CRADD: variants seen among roughly 807,000 people sequenced by gnomAD.
CRADD encodes death domain-containing protein CRADD.
A neutral mutation model predicts 15.5 loss-of-function variants in CRADD; 9 were observed. The observed-to-expected ratio is 0.58, with a 90% confidence interval of 0.35 to 1.01. The LOEUF (loss-of-function observed/expected upper bound fraction) is 1.01, where lower values mean the gene tolerates loss of function less well. CRADD is among the 50% of genes least tolerant of loss of function. The probability of loss-of-function intolerance (pLI) is 0.02; values close to 1 mark genes in which losing one functional copy is unlikely to be tolerated. For synonymous variants in CRADD, 118 were observed against 107.6 expected (o/e 1.10, Z -0.60); for missense variants, 227 against 250.3 (o/e 0.91, Z 0.63).
At position 93,829,672 on chromosome 12, in the gene CRADD, C is replaced by T. The variant is rs1297491771; in HGVS notation, c.299-20298C>T. On this transcript the variant is annotated intron_variant, in intron 2 of 2. Coordinates refer to ENST00000332896, the MANE Select transcript of CRADD (RefSeq NM_003805.5). ...TTTAGGGTCAGCTCTTTCATCAGCTCCCTAAAGTTTTGGTTTTTTGTTGTT... is the reference window on the plus strand; with the variant it reads ...TTTAGGGTCAGCTCTTTCATCAGCTTCCTAAAGTTTTGGTTTTTTGTTGTT... Among the ~76,000 whole-genome samples the T allele has an allele frequency of 3.3e-5, 5 of 151,152 alleles. No homozygotes were observed. In the South Asian group the frequency reaches 8.4e-4, roughly 25 times the overall value.
chr12:93,699,423 A>G (rs1294034455), intron 2 of CRADD, among the ~76,000 whole-genome samples: 1 of 152,178 alleles, frequency 6.6e-6, no homozygotes, highest in African/African-American at 2.4e-5. Context: ...CTGTGTATTT[A>G]CTCATGGTTT....
intron 2 of CRADD, among the ~76,000 whole-genome samples, chr12:93,814,940 G>T (rs1448263731): frequency 2.0e-5 from 3 of 152,186 alleles, no homozygotes; most frequent in Non-Finnish European, 2.9e-5. Flanking sequence ...AAATTATGCA[G>T]TGTTTGAAAG....
At chr12:93,873,771 G>A (rs989319812) in intron 2 of CRADD, among the ~76,000 whole-genome samples, 4 of 151,960 alleles carry the variant, frequency 2.6e-5, no homozygotes, top group East Asian at 1.9e-4. Context: ...CCATTTGATC[G>A]TGATGAATGA....
At chr12:93,891,322 A>C (rs552990062) in intron 2 of CRADD, among the ~76,000 whole-genome samples, 1 of 152,052 alleles carries the variant, frequency 6.6e-6, no homozygotes, top group East Asian at 2.0e-4. Flanking sequence ...CCCCATCTCT[A>C]CTAAAAACAC....
rs185439360 is a variant in CRADD at position 93,821,952 on chromosome 12, T to C, written c.299-28018T>C. ...TGCCAACATGGTGAAACCCCATCTC[T>C]ACTAAAAATACAAAAATTAGCCAGG... On this transcript the variant is annotated intron_variant, in intron 2 of 2. Transcript: ENST00000332896. Among the ~76,000 whole-genome samples the C allele has an allele frequency of 2.2e-3, 341 of 151,958 alleles. 1 individual carries two copies. Among genetic ancestry groups the C allele is most frequent in the African/African-American group, 7.9e-3 (326 of 41,426 alleles).
chr12:93,846,814 A>T (rs1200674346), intron 2 of CRADD, among the ~76,000 whole-genome samples: 1 of 152,210 alleles, frequency 6.6e-6, no homozygotes, highest in Non-Finnish European at 1.5e-5. Flanking sequence ...TTAGAAGGTT[A>T]TGCCAGCCAG....
intron 2 of CRADD, among the ~76,000 whole-genome samples, chr12:93,694,350 C>T (rs774473384): frequency 2.6e-5 from 4 of 152,050 alleles, no homozygotes; most frequent in Non-Finnish European, 5.9e-5. Context: ...GGGACAGACT[C>T]GTAGCTAACT....
chr12:93,820,268 T>C (rs1244165361), intron 2 of CRADD, among the ~76,000 whole-genome samples: 1 of 152,216 alleles, frequency 6.6e-6, no homozygotes, highest in Non-Finnish European at 1.5e-5. Flanking sequence ...GGTTTACCCC[T>C]GCCCCATGGC....
intron 2 of CRADD, among the ~76,000 whole-genome samples, chr12:93,723,927 C>T (rs575913337): frequency 8.9e-4 from 136 of 152,258 alleles, no homozygotes; most frequent in African/African-American, 3.1e-3. Context: ...CCTCCAGGCC[C>T]GTTAGGCTGT....
intron 2 of CRADD, among the ~76,000 whole-genome samples, chr12:93,724,412 G>A (rs1348602043): frequency 6.6e-6 from 1 of 151,540 alleles, no homozygotes; most frequent in Non-Finnish European, 1.5e-5. Flanking sequence ...GCTCCAGTAT[G>A]TTGTGATTCT....
At chr12:93,743,919 A>G (rs1034575827) in intron 2 of CRADD, among the ~76,000 whole-genome samples, 1 of 151,912 alleles carries the variant, frequency 6.6e-6, no homozygotes, top group Admixed American at 6.6e-5. Context: ...TTTGTTTTCT[A>G]TTTTATTTTT....
In CRADD at chr12:93,850,330, C is replaced by T; in HGVS notation, c.*59C>T. ...CTGAGTCATGTGGGCTGAATCCTGA[C>T]TTTCACTCAGAGCAGGTGGTTTTTT... On this transcript the variant is annotated 3_prime_UTR_variant, in exon 3 of 3. Coordinates refer to ENST00000332896, the MANE Select transcript of CRADD (RefSeq NM_003805.5). The surrounding 1 kb of genome is among the most constrained non-coding windows in gnomAD (Gnocchi z 4.0). The T allele has an allele frequency of 5.9e-6, 9 of 1,520,852 alleles. No homozygotes were observed. The highest frequency in any genetic ancestry group is 1.3e-5 in the South Asian group (1 of 76,540). The allele number at this position is 1,520,852 out of a possible 1,614,324, so 94.2% of individuals were successfully genotyped here. A position where few individuals can be genotyped will look rare whatever the true frequency, so the allele number is the denominator to read the frequency against.
intron 2 of CRADD, among the ~76,000 whole-genome samples, chr12:93,748,295 C>CT (rs1297880304): frequency 1.3e-5 from 2 of 152,108 alleles, no homozygotes; most frequent in African/African-American, 2.4e-5. Flanking sequence ...CAGGCTTCTT[C>CT]TTTTTTTGGT....
intron 2 of CRADD, among the ~76,000 whole-genome samples, chr12:93,696,745 G>GAA (rs58146240): frequency 4.9e-5 from 7 of 142,704 alleles, no homozygotes; most frequent in South Asian, 2.2e-4. Flanking sequence ...GAAAATATTT[G>GAA]AAAAAAAAAA....
chr12:93,839,938 A>G (rs183784660), intron 2 of CRADD, among the ~76,000 whole-genome samples: 23 of 152,352 alleles, frequency 1.5e-4, no homozygotes, highest in Middle Eastern at 6.8e-3. Context: ...GATTAATTTT[A>G]AAAACCACTT....
chr12:93,728,512 T>A (rs1956408279), intron 2 of CRADD, among the ~76,000 whole-genome samples: 1 of 152,260 alleles, frequency 6.6e-6, no homozygotes, highest in Admixed American at 6.5e-5. Flanking sequence ...GTAATGTTAT[T>A]TTTATTCTAT....
chr12:93,885,287 A>G (rs972466007), intron 2 of CRADD, among the ~76,000 whole-genome samples: 1 of 152,192 alleles, frequency 6.6e-6, no homozygotes, highest in African/African-American at 2.4e-5. Flanking sequence ...CATTTCTTCT[A>G]TGTCACAGGT....
chr12:93,859,473 T>C, intron 2 of CRADD: 1 of 422,090 alleles, frequency 2.4e-6, no homozygotes, highest in South Asian at 1.7e-5. Context: ...AGTCTTGGCA[T>C]CAAACTGTGA....
At chr12:93,808,032 A>G (rs1324040638) in intron 2 of CRADD, among the ~76,000 whole-genome samples, 2 of 145,422 alleles carry the variant, frequency 1.4e-5, no homozygotes, top group African/African-American at 2.5e-5. Flanking sequence ...CAGAGGTAGC[A>G]TGGGGGTAGT....
Sources: gnomAD v4.1 joint callset for allele counts (sites outside exome capture counted in the v4.1 genomes callset) on GRCh38, gnomAD v4.1.1 for gene constraint, Gnocchi (gnomAD v3.1) non-coding constraint, MANE v1.5 for transcripts, NCBI Gene and HGNC (gene_info 2026-07-23, HGNC 2026-07-21) for gene names.